Variants in ASB17 observed in about 807,000 individuals in gnomAD.
The protein encoded by ASB17 is ankyrin repeat and SOCS box containing 17.
A neutral mutation model predicts 25.7 loss-of-function variants in ASB17; 26 were observed. The ratio of observed to expected loss-of-function variants is 1.01; its 90% CI spans 0.74 to 1.40. ASB17 has a LOEUF of 1.40. Ranked by LOEUF, ASB17 falls within the 40% of genes most tolerant of loss-of-function variation. The pLI is 0.00. For missense variants in ASB17, 326 were observed against 338.5 expected (o/e 0.96, Z 0.29); for synonymous variants, 128 against 121.4 (o/e 1.05, Z -0.36).
rs757641018 is a variant in ASB17, at chr1:75,922,377, CAA to C, written c.402-20_402-19del. The C allele has an allele frequency of 1.3e-5, 19 of 1,502,122 alleles. No individual in the cohort carries two copies. The highest frequency in any genetic ancestry group is 2.8e-5 in the African/African-American group (2 of 70,898). 93.0% of individuals were successfully genotyped at this position (1,502,122 alleles called of 1,614,324 possible). ...TGAAAGTTCTGTGAATTAAACAAAA[CAA>C]AAACTCATTGGATATAGAATTAAGA... On this transcript the variant is annotated intron_variant, in intron 1 of 2. Coordinates refer to ENST00000284142, the MANE Select transcript of ASB17 (RefSeq NM_080868.3).
Position 75,932,344 on chromosome 1 carries a change from T to C in ASB17, c.-53A>G. ...AAAATCAGAGGTAAGCATACTGTAA[T>C]CCTCCAGTTACATATTTTGACAATG... On this transcript the variant is annotated 5_prime_UTR_variant, in exon 1 of 3. Coordinates refer to ENST00000284142, the MANE Select transcript of ASB17 (RefSeq NM_080868.3). 7 of 1,470,510 alleles carry C rather than the reference T, an allele frequency of 4.8e-6. No homozygotes were observed. Among genetic ancestry groups the C allele is most frequent in the Non-Finnish European group, 6.4e-6 (7 of 1,090,552 alleles). The allele number at this position is 1,470,510 out of a possible 1,614,324, so 91.1% of individuals were successfully genotyped here.
In ASB17 at chr1:75,930,676, C is replaced by T. The variant is rs1653300732; in HGVS notation, c.401+1215G>A. On this transcript the variant is annotated intron_variant, in intron 1 of 2. Coordinates refer to ENST00000284142, the MANE Select transcript of ASB17 (RefSeq NM_080868.3). ...GTCTTAAGACAGTTGTTAATGGCAC[C>T]CTATCATGTTCCACTGTGTTTCTCT... Among the ~76,000 whole-genome samples, 3 of 152,010 alleles carry T rather than the reference C, an allele frequency of 2.0e-5. No homozygotes were observed. In the South Asian group the frequency reaches 6.2e-4, roughly 31 times the overall value.
intron 2 of ASB17, among the ~76,000 whole-genome samples, chr1:75,919,453 G>A (rs1370804799): frequency 6.6e-6 from 1 of 151,764 alleles, no homozygotes; most frequent in Non-Finnish European, 1.5e-5. Flanking sequence ...AGTTACATAT[G>A]TATACATGTG....
At chr1:75,930,251 T>C (rs1653287838) in intron 1 of ASB17, among the ~76,000 whole-genome samples, 1 of 147,620 alleles carries the variant, frequency 6.8e-6, no homozygotes, top group Non-Finnish European at 1.5e-5. Flanking sequence ...TATATATTTA[T>C]ATAACTAGTT....
chr1:75,921,519 T>C (rs909283147), intron 2 of ASB17, among the ~76,000 whole-genome samples: 14 of 152,240 alleles, frequency 9.2e-5, no homozygotes, highest in African/African-American at 3.4e-4. Context: ...GGGTACCCTG[T>C]ATGCTGTTAA....
chr1:75,931,772 G>A, intron 1 of ASB17, 119 bp downstream of exon 1: 2 of 838,516 alleles, frequency 2.4e-6, no homozygotes, highest in Non-Finnish European at 1.7e-6. Flanking sequence ...AAGCAATTAG[G>A]TGAGAATTCC....
Position 75,922,095 on chromosome 1 carries a change from T to G in ASB17, c.666A>C (p.Ser222=). The change falls in exon 2 of 3, where the codon TCA becomes TCC. Residue 222 remains serine (S), a synonymous_variant. Transcript: ENST00000284142. Reference sequence around the variant, plus strand: ...GTTTTCTTACCTTTATTTCCTTGACTGAAATGACAGAAAGCACTCTGGAAC... The same window carrying G: ...GTTTTCTTACCTTTATTTCCTTGACGGAAATGACAGAAAGCACTCTGGAAC... ...VLCSRVLSVI[S]VKEIKTQLSL... is the part of the protein sequence containing the mutation. The G allele has an allele frequency of 1.2e-6, 2 of 1,605,816 alleles. No individual in the cohort carries two copies. Among genetic ancestry groups the G allele is most frequent in the African/African-American group, 1.3e-5 (1 of 74,810 alleles).
intron 1 of ASB17, among the ~76,000 whole-genome samples, chr1:75,929,074 G>A (rs1197047889): frequency 2.0e-5 from 3 of 152,100 alleles, no homozygotes; most frequent in African/African-American, 7.2e-5. Flanking sequence ...AGGCCTTATG[G>A]CAGGAATGAA....
chr1:75,932,048 C>T lies in ASB17; in HGVS notation c.244G>A (p.Glu82Lys). The part of the protein sequence containing the change: ...AFVEKSGYRF[E>K]VSFNLDFTEI... ...GTGAAGTCGAGGTTAAAACTTACTT[C>T]AAAACGGTATCCTGATTTTTCCACA... The change falls in exon 1 of 3, where the codon GAA becomes AAA. Residue 82 changes from glutamate (E) to lysine (K), a missense_variant. Coordinates refer to ENST00000284142, the MANE Select transcript of ASB17 (RefSeq NM_080868.3). 1 of 1,614,070 alleles carries T rather than the reference C, an allele frequency of 6.2e-7. No homozygotes were observed. Among genetic ancestry groups the T allele is most frequent in the Non-Finnish European group, 8.5e-7 (1 of 1,179,976 alleles).
At chr1:75,925,242 A>C (rs540904269) in intron 1 of ASB17, among the ~76,000 whole-genome samples, 1 of 152,204 alleles carries the variant, frequency 6.6e-6, no homozygotes, top group African/African-American at 2.4e-5. Context: ...GTTGATATGT[A>C]ATCACTTAAA....
At chr1:75,923,249 C>T (rs1175279621) in intron 1 of ASB17, among the ~76,000 whole-genome samples, 1 of 152,062 alleles carries the variant, frequency 6.6e-6, no homozygotes, top group East Asian at 1.9e-4. Context: ...TAGTGAGAAC[C>T]ATATCAGGTC....
At chr1:75,931,708 A>G (rs1653325361) in intron 1 of ASB17, among the ~76,000 whole-genome samples, 183 bp downstream of exon 1, 1 of 152,182 alleles carries the variant, frequency 6.6e-6, no homozygotes, top group African/African-American at 2.4e-5. Flanking sequence ...AATAATTTAC[A>G]TATAAATAAA....
At chr1:75,929,783 G>A (rs890941609) in intron 1 of ASB17, among the ~76,000 whole-genome samples, 2 of 152,110 alleles carry the variant, frequency 1.3e-5, no homozygotes, top group African/African-American at 4.8e-5. Flanking sequence ...CGAAAGAGAT[G>A]AAAGGAGATG....
At chr1:75,922,411 A>G (rs549316824) in intron 1 of ASB17, 52 bp from the exon 2 acceptor site, 115 of 1,349,540 alleles carry the variant, frequency 8.5e-5, no homozygotes, top group Non-Finnish European at 1.0e-4. Flanking sequence ...AAGAAATGTG[A>G]CAAACACTTT....
chr1:75,928,218 A>G (rs942816904), intron 1 of ASB17, among the ~76,000 whole-genome samples: 1 of 152,142 alleles, frequency 6.6e-6, no homozygotes, highest in African/African-American at 2.4e-5. Context: ...GTGTGGCTAT[A>G]ATTGCTGTTT....
In ASB17 at chr1:75,931,920, G is replaced by C. The variant is rs139449858; in HGVS notation, c.372C>G (p.Asp124Glu). ...ATATCAGTGCCAGGTTACAACTTCTGTCTTGAACATAGTCTTTTGTCTTCT... is the reference window on the plus strand; with the variant it reads ...ATATCAGTGCCAGGTTACAACTTCTCTCTTGAACATAGTCTTTTGTCTTCT... ...LLKKTKDYVQ[D>E]RSCNLALIWR... is the part of the protein sequence containing the mutation. The change falls in exon 1 of 3, where the codon GAC (aspartate) becomes GAG (glutamate). Residue 124 changes from aspartate (D) to glutamate (E), a missense_variant. Coordinates refer to ENST00000284142, the MANE Select transcript of ASB17 (RefSeq NM_080868.3). The C allele has an allele frequency of 1.2e-6, 2 of 1,610,842 alleles. No homozygotes were observed. The highest frequency in any genetic ancestry group is 3.4e-5 in the Admixed American group (2 of 59,594).
In ASB17 at chr1:75,925,350, G is replaced by A. The variant is rs143213089; in HGVS notation, c.402-2991C>T. Among the ~76,000 whole-genome samples the A allele has an allele frequency of 6.7e-3, 1,017 of 152,122 alleles. 14 individuals are homozygous for A. Among genetic ancestry groups the A allele is most frequent in the African/African-American group, 0.024 (977 of 41,516 alleles). On this transcript the variant is annotated intron_variant, in intron 1 of 2. Coordinates refer to ENST00000284142, the MANE Select transcript of ASB17 (RefSeq NM_080868.3). ...TATGGGAATTCTGGAGACTCAGGGG[G>A]CAAAATATACCATAAGTGGTCATTA...
At position 75,925,854 on chromosome 1, in the gene ASB17, T is replaced by C. The variant is rs185135314; in HGVS notation, c.402-3495A>G. ...GATGCTTCTCCAGAATAATTTTACATGTGTGATATTTCACACAGTTGACTT... is the reference window on the plus strand; with the variant it reads ...GATGCTTCTCCAGAATAATTTTACACGTGTGATATTTCACACAGTTGACTT... On this transcript the variant is annotated intron_variant, in intron 1 of 2. Transcript: ENST00000284142. Among the ~76,000 whole-genome samples the C allele has an allele frequency of 4.5e-3, 680 of 152,334 alleles. 3 individuals are homozygous for C. Among genetic ancestry groups the C allele is most frequent in the African/African-American group, 0.016 (654 of 41,576 alleles).
chr1:75,925,791 T>A (rs1236377465), intron 1 of ASB17, among the ~76,000 whole-genome samples: 1 of 152,140 alleles, frequency 6.6e-6, no homozygotes, highest in Non-Finnish European at 1.5e-5. Context: ...TTTTTTCCCT[T>A]CTCATTCTCC....
Sources: gnomAD v4.1 joint callset for allele counts (sites outside exome capture counted in the v4.1 genomes callset) on GRCh38, gnomAD v4.1.1 for gene constraint, MANE v1.5 for transcripts, NCBI Gene and HGNC (gene_info 2026-07-23, HGNC 2026-07-21) for gene names.